The following NR1H4 variants were observed in gnomAD, a reference collection of about 807,000 sequenced individuals.
NR1H4 encodes nuclear receptor subfamily 1 group H member 4.
A neutral mutation model predicts 58.5 loss-of-function variants in NR1H4; 23 were observed. The observed-to-expected ratio is 0.39, with a 90% CI of 0.28 to 0.56. NR1H4 has a LOEUF of 0.56. NR1H4 is among the 20% of genes least tolerant of loss of function. The pLI, the probability that NR1H4 is intolerant of heterozygous loss-of-function variation, is 0.58. For synonymous variants in NR1H4, 214 were observed against 198.0 expected (o/e 1.08, Z -0.68); for missense variants, 487 against 576.9 (o/e 0.84, Z 1.60).
intron 1 of NR1H4, among the ~76,000 whole-genome samples, chr12:100,488,108 C>A (rs2136092448): frequency 6.6e-6 from 1 of 152,274 alleles, no homozygotes; most frequent in South Asian, 2.1e-4. Context: ...TCAAGTGATT[C>A]TCCTGCCTCA....
chr12:100,532,077 G>T (rs190536822), intron 4 of NR1H4, among the ~76,000 whole-genome samples: 6 of 152,126 alleles, frequency 3.9e-5, no homozygotes, highest in African/African-American at 1.4e-4. Context: ...GTGCGTCTTT[G>T]TCCTCAGCCA....
intron 3 of NR1H4, chr12:100,505,594 G>A (rs1566440368): frequency 2.9e-6 from 2 of 701,668 alleles, no homozygotes; most frequent in Non-Finnish European, 2.6e-6. Flanking sequence ...GACTCCCCTG[G>A]AGTCCATCCA....
intron 9 of NR1H4, among the ~76,000 whole-genome samples, chr12:100,549,319 C>G (rs978172045): frequency 3.9e-5 from 6 of 152,114 alleles, no homozygotes; most frequent in African/African-American, 7.2e-5. Context: ...GCCTGGGCAA[C>G]AGAGTGAGAC....
intron 5 of NR1H4, among the ~76,000 whole-genome samples, chr12:100,533,181 T>C (rs1954736320): frequency 6.6e-6 from 1 of 152,248 alleles, no homozygotes; most frequent in Non-Finnish European, 1.5e-5. Flanking sequence ...GACACTGTAT[T>C]AACTGCTGGC....
intron 9 of NR1H4, among the ~76,000 whole-genome samples, chr12:100,561,505 T>G (rs1339702174): frequency 1.3e-5 from 2 of 152,242 alleles, no homozygotes; most frequent in African/African-American, 2.4e-5. Flanking sequence ...TTGTTTAAGA[T>G]GTGATCTCTG....
rs188743030 is a variant in NR1H4 at position 100,487,811 on chromosome 12, C to T, written c.-189-4692C>T. On this transcript the variant is annotated intron_variant, in intron 1 of 10. Transcript: ENST00000392986. ...ATTTTTAGTAAAGACGGGGTTTCAC[C>T]ATGTTGACCAGGCTGGTCTCAAACT... Among the ~76,000 whole-genome samples the T allele has an allele frequency of 4.4e-3, 669 of 151,676 alleles. 3 individuals carry two copies. The highest frequency in any genetic ancestry group is 7.5e-3 in the Non-Finnish European group (512 of 67,920).
intron 2 of NR1H4, 37 bp from the exon 3 acceptor site, chr12:100,493,233 C>T (rs1452344130): frequency 2.7e-6 from 2 of 732,866 alleles, no homozygotes; most frequent in Non-Finnish European, 4.9e-6. Context: ...ACCCTTCCCG[C>T]ATTCCCACAG....
chr12:100,539,496 G>T (rs1954888389), intron 8 of NR1H4, among the ~76,000 whole-genome samples: 2 of 152,204 alleles, frequency 1.3e-5, no homozygotes, highest in South Asian at 4.2e-4. Flanking sequence ...TTTTAGCGTT[G>T]CTCTCTTCTC....
At chr12:100,536,821 A>C in intron 7 of NR1H4, 127 bp from the exon 8 acceptor site, 1 of 687,880 alleles carries the variant, frequency 1.5e-6, no homozygotes. Flanking sequence ...CCCTCCAAAG[A>C]TCTGAGAAAT....
intron 1 of NR1H4, among the ~76,000 whole-genome samples, chr12:100,475,666 A>G (rs907513195): frequency 2.6e-5 from 4 of 152,200 alleles, no homozygotes; most frequent in Admixed American, 2.6e-4. Flanking sequence ...GTCTACTAAC[A>G]TGTCCTAGCC....
chr12:100,533,965 C>T (rs967797571), intron 5 of NR1H4, among the ~76,000 whole-genome samples: 1 of 151,400 alleles, frequency 6.6e-6, no homozygotes, highest in South Asian at 2.1e-4. Flanking sequence ...GGCGCAATCT[C>T]GGCTCACTGC....
chr12:100,479,664 C>T (rs1307075963), intron 1 of NR1H4, among the ~76,000 whole-genome samples: 1 of 152,202 alleles, frequency 6.6e-6, no homozygotes, highest in Non-Finnish European at 1.5e-5. Context: ...TTGTTTAAAA[C>T]TCATCAATTA....
rs190521955 is a variant in NR1H4 at position 100,556,285 on chromosome 12, T to A, written c.1079-5600T>A. Among the ~76,000 whole-genome samples the A allele has an allele frequency of 4.2e-3, 639 of 152,006 alleles. 4 individuals are homozygous for A. Among genetic ancestry groups the A allele is most frequent in the Non-Finnish European group, 7.4e-3 (502 of 67,950 alleles). On this transcript the variant is annotated intron_variant, in intron 9 of 10. Coordinates refer to ENST00000392986, the MANE Select transcript of NR1H4 (RefSeq NM_001206979.2). The stretch of plus-strand genomic sequence containing the variant: ...GAGTTCGAGACCAGCCTGACCAACA[T>A]GGAGAAACCCCGTATCTACTAAAAA...
chr12:100,508,044 C>A (rs1489392766), intron 3 of NR1H4, among the ~76,000 whole-genome samples: 1 of 151,302 alleles, frequency 6.6e-6, no homozygotes, highest in Non-Finnish European at 1.5e-5. Context: ...CAGAGGGAGG[C>A]CCAGGTAGGG....
At chr12:100,483,751 A>G (rs987574422) in intron 1 of NR1H4, among the ~76,000 whole-genome samples, 4 of 152,192 alleles carry the variant, frequency 2.6e-5, no homozygotes, top group Admixed American at 6.5e-5. Flanking sequence ...TGGGAGGCCA[A>G]GGCGGGTGGA....
At chr12:100,486,593 A>G (rs1046976091) in intron 1 of NR1H4, among the ~76,000 whole-genome samples, 13 of 152,216 alleles carry the variant, frequency 8.5e-5, no homozygotes, top group Admixed American at 4.6e-4. Flanking sequence ...CAAACTCCCA[A>G]AGAAACTTTT....
At chr12:100,538,028 A>G (rs571076419) in intron 8 of NR1H4, among the ~76,000 whole-genome samples, 83 of 152,266 alleles carry the variant, frequency 5.5e-4, no homozygotes, top group African/African-American at 1.8e-3. Flanking sequence ...TGCTTGTTAT[A>G]AGGCACTGAG....
intron 4 of NR1H4, among the ~76,000 whole-genome samples, chr12:100,512,641 CAA>C (rs35958048): frequency 8.7e-5 from 12 of 138,266 alleles, no homozygotes; most frequent in Admixed American, 1.5e-4. Flanking sequence ...ACTCCGTCTC[CAA>C]AAAAAAAAAA....
intron 5 of NR1H4, 80 bp downstream of exon 5, chr12:100,532,690 C>A: frequency 2.3e-6 from 3 of 1,295,098 alleles, no homozygotes; most frequent in Non-Finnish European, 1.1e-6. Context: ...GAGAGTGCTA[C>A]TTCACATATT....
Sources: allele counts gnomAD v4.1 joint callset (sites outside exome capture counted in the v4.1 genomes callset), GRCh38; gene constraint gnomAD v4.1.1; transcripts MANE v1.5; gene names NCBI Gene and HGNC (gene_info 2026-07-23, HGNC 2026-07-21).